Variants in RUFY3 observed in about 807,000 individuals in gnomAD.
RUFY3 encodes RUN and FYVE domain containing 3, also known as protein RUFY3.
Under a neutral mutation model 84.0 loss-of-function variants are expected in RUFY3, and 34 were observed. The ratio of observed to expected loss-of-function variants is 0.40; its 90% confidence interval spans 0.31 to 0.54. RUFY3 has a LOEUF of 0.54. RUFY3 is among the 20% of genes least tolerant of loss of function. RUFY3 has a pLI of 0.39. For missense variants in RUFY3, 507 were observed against 736.8 expected, an observed-to-expected ratio of 0.69 and a Z score of 3.61; for synonymous variants, 242 against 252.9, an observed-to-expected ratio of 0.96 and a Z score of 0.41.
intron 10 of RUFY3, among the ~76,000 whole-genome samples, chr4:70,786,155 A>G (rs1729763778): frequency 6.6e-6 from 1 of 152,356 alleles, no homozygotes; most frequent in Admixed American, 6.5e-5. Context: ...AAACACAGAA[A>G]GAGAAATGCC....
At chr4:70,798,650 C>T (rs375319809) in intron 14 of RUFY3, among the ~76,000 whole-genome samples, 17 of 152,020 alleles carry the variant, frequency 1.1e-4, no homozygotes, top group Admixed American at 7.2e-4. Context: ...GGCCTTGCTG[C>T]GTGCACCTAT....
rs201283738 is a variant in RUFY3, at chr4:70,722,770, C to T, written c.178+19C>T. 75 of 1,605,646 alleles carry T rather than the reference C, an allele frequency of 4.7e-5. No individual in the cohort carries two copies. Among genetic ancestry groups the T allele is most frequent in the African/African-American group, 2.1e-4 (16 of 74,906 alleles). On this transcript the variant is annotated intron_variant, in intron 1 of 17. Coordinates refer to ENST00000381006, the MANE Select transcript of RUFY3 (RefSeq NM_001037442.4). ...CATGAAGGTATGGTCAGATCCTGTC[C>T]GCTAGTATTTCACCAGCATCCTCAT...
chr4:70,759,035 CA>C (rs57448558), intron 1 of RUFY3, among the ~76,000 whole-genome samples: 153 of 139,746 alleles, frequency 1.1e-3, no homozygotes, highest in East Asian at 4.7e-3. Flanking sequence ...GACTCTGTCT[CA>C]AAAAAAAAAA....
chr4:70,721,711 T>C (rs1396522623), upstream of RUFY3, among the ~76,000 whole-genome samples: 1 of 152,218 alleles, frequency 6.6e-6, no homozygotes, highest in Non-Finnish European at 1.5e-5. Flanking sequence ...ATCTTTACTA[T>C]AGATTATTAT....
intron 1 of RUFY3, among the ~76,000 whole-genome samples, chr4:70,732,106 T>C (rs1719370628): frequency 6.6e-6 from 1 of 152,216 alleles, no homozygotes. Context: ...ATGCCCGTGT[T>C]ATATCAGGAA....
chr4:70,738,356 C>CTTTTTTTT (rs60916183), intron 1 of RUFY3, among the ~76,000 whole-genome samples: 3 of 60,504 alleles, frequency 5.0e-5, no homozygotes, highest in Non-Finnish European at 8.4e-5. Flanking sequence ...GGTGTTTCAT[C>CTTTTTTTT]TTTTTTTTTT....
At chr4:70,746,934 A>G (rs1722330526) in intron 1 of RUFY3, among the ~76,000 whole-genome samples, 1 of 152,204 alleles carries the variant, frequency 6.6e-6, no homozygotes, top group Non-Finnish European at 1.5e-5. Flanking sequence ...GCTATAAAAC[A>G]TCAATATGGG....
intron 14 of RUFY3, chr4:70,799,897 T>C: frequency 2.4e-6 from 1 of 413,326 alleles, no homozygotes; most frequent in South Asian, 3.6e-5. Flanking sequence ...ACATTCTGAA[T>C]TTTATTTGAA....
At chr4:70,737,246 T>A (rs1419365394) in intron 1 of RUFY3, among the ~76,000 whole-genome samples, 1 of 152,232 alleles carries the variant, frequency 6.6e-6, no homozygotes, top group Non-Finnish European at 1.5e-5. Flanking sequence ...TACTTTTTTT[T>A]TTTAAGCTAA....
At chr4:70,740,957 T>C (rs1342575196) in intron 1 of RUFY3, among the ~76,000 whole-genome samples, 1 of 152,204 alleles carries the variant, frequency 6.6e-6, no homozygotes, top group African/African-American at 2.4e-5. Context: ...TTATTCTACT[T>C]AATCTGAATA....
intron 17 of RUFY3, among the ~76,000 whole-genome samples, chr4:70,806,129 A>G (rs1732814867): frequency 6.6e-6 from 1 of 152,208 alleles, no homozygotes; most frequent in Non-Finnish European, 1.5e-5. Flanking sequence ...ACATTTTTAA[A>G]TCTTAGCCTG....
intron 12 of RUFY3, chr4:70,793,342 A>G (rs1187906132): frequency 9.9e-7 from 1 of 1,012,270 alleles, no homozygotes; most frequent in Non-Finnish European, 1.2e-6. Flanking sequence ...CACATATAAG[A>G]AGGTAGTTGC....
chr4:70,778,780 A>G (rs900411451), intron 8 of RUFY3, among the ~76,000 whole-genome samples: 1 of 151,670 alleles, frequency 6.6e-6, no homozygotes, highest in African/African-American at 2.4e-5. Flanking sequence ...GGGTTTCTCC[A>G]TGTTAGTCAG....
At chr4:70,753,843 A>T (rs1723537127) in intron 1 of RUFY3, among the ~76,000 whole-genome samples, 1 of 152,172 alleles carries the variant, frequency 6.6e-6, no homozygotes, top group South Asian at 2.1e-4. Context: ...AAAACTGAAC[A>T]AGCCCAACCC....
At chr4:70,757,781 C>T (rs1724282459) in intron 1 of RUFY3, among the ~76,000 whole-genome samples, 1 of 151,994 alleles carries the variant, frequency 6.6e-6, no homozygotes, top group Non-Finnish European at 1.5e-5. Flanking sequence ...ATGGCAGGGA[C>T]TAAGTCTATT....
At chr4:70,788,086 C>G (rs1260894232) in intron 10 of RUFY3, among the ~76,000 whole-genome samples, 1 of 149,546 alleles carries the variant, frequency 6.7e-6, no homozygotes, top group Non-Finnish European at 1.5e-5. Context: ...GGAATTCACA[C>G]CAGCCTGGTC....
At chr4:70,708,159 CCAAA>C (rs1740555787) in intron 1 of RUFY3, among the ~76,000 whole-genome samples, 1 of 152,170 alleles carries the variant, frequency 6.6e-6, no homozygotes, top group African/African-American at 2.4e-5. Context: ...ACACTTGAGA[CCAAA>C]CAGTTTTTGT....
chr4:70,733,133 GGAGGGAGAGAGAGAGA>G (rs1560463972), intron 1 of RUFY3, among the ~76,000 whole-genome samples: 1 of 88,280 alleles, frequency 1.1e-5, no homozygotes, highest in Non-Finnish European at 2.2e-5. Context: ...AGGGAGGGAG[GGAGGGAGAGAGAGAGA>G]GAGAGAGAGA....
At chr4:70,792,968 AC>A (rs1300528522) in intron 12 of RUFY3, 3 of 985,456 alleles carry the variant, frequency 3.0e-6, no homozygotes, top group Non-Finnish European at 1.2e-6. Flanking sequence ...GTGATCAAAT[AC>A]CGAAATTGAA....
Sources: allele counts gnomAD v4.1 joint callset (sites outside exome capture counted in the v4.1 genomes callset), GRCh38; gene constraint gnomAD v4.1.1; transcripts MANE v1.5; gene names NCBI Gene and HGNC (gene_info 2026-07-23, HGNC 2026-07-21).